The following ROBO1 variants were observed in gnomAD, a reference collection of about 807,000 sequenced individuals.
The protein encoded by ROBO1 is roundabout homolog 1.
Under a neutral mutation model 195.9 loss-of-function variants are expected in ROBO1, and 149 were observed. That is an observed-to-expected ratio of 0.76 (90% CI 0.67 to 0.87). ROBO1 has a LOEUF of 0.87. Among genes scored for constraint, ROBO1 ranks in the 40% least tolerant of loss-of-function variants. ROBO1 has a pLI of 0.00. For synonymous variants in ROBO1, 816 were observed against 733.2 expected, an observed-to-expected ratio of 1.11 and a Z score of -1.82; for missense variants, 1,933 against 2,068.3, an observed-to-expected ratio of 0.93 and a Z score of 1.27.
chr3:78,790,643 A>G (rs933062727), intron 4 of ROBO1, among the ~76,000 whole-genome samples: 1 of 152,166 alleles, frequency 6.6e-6, no homozygotes, highest in African/African-American at 2.4e-5. Flanking sequence ...AAAGACATTC[A>G]GCTCCAGATT....
At chr3:78,877,545 A>G (rs974896289) in intron 4 of ROBO1, among the ~76,000 whole-genome samples, 3 of 152,218 alleles carry the variant, frequency 2.0e-5, no homozygotes, top group Admixed American at 6.5e-5. Context: ...AGAAATACTT[A>G]AGAAAAATAA....
chr3:78,667,998 TTC>T lies in ROBO1; in HGVS notation c.1849_1850del (p.Glu617AsnfsTer5). 6.2e-7 allele frequency: 1 copy of T among 1,613,758 alleles called. No individual in the cohort carries two copies. Among genetic ancestry groups the T allele is most frequent in the Non-Finnish European group, 8.5e-7 (1 of 1,179,788 alleles). ...GTTTGAGTCCTTTAATGGCAGATGT[TTC>T]TGTTTTCACATTCTCTGCTACGGTC... ...WQTVAENVKT[E>X]TSAIKGLKPN... On this transcript the variant is annotated frameshift_variant, in exon 14 of 31. Coordinates refer to ENST00000464233, the MANE Select transcript of ROBO1 (RefSeq NM_002941.4). LOFTEE classifies it high-confidence loss of function.
intron 2 of ROBO1, among the ~76,000 whole-genome samples, chr3:79,375,689 A>T (rs1429772697): frequency 6.6e-6 from 1 of 152,212 alleles, no homozygotes; most frequent in East Asian, 1.9e-4. Context: ...GAGAAAACTA[A>T]TATCTGTAGA....
chr3:78,656,115 A>T (rs965021392), intron 18 of ROBO1, among the ~76,000 whole-genome samples: 5 of 151,618 alleles, frequency 3.3e-5, no homozygotes, highest in Admixed American at 3.3e-4. Flanking sequence ...GAAGCTTTTG[A>T]TGTTAGTTTT....
chr3:78,742,539 G>A (rs1260834349), intron 5 of ROBO1, among the ~76,000 whole-genome samples: 1 of 152,126 alleles, frequency 6.6e-6, no homozygotes, highest in Non-Finnish European at 1.5e-5. Context: ...AACCCAAACT[G>A]CTGATTTTTA....
chr3:78,985,717 GT>G (rs2077091480), intron 3 of ROBO1, among the ~76,000 whole-genome samples: 1 of 152,134 alleles, frequency 6.6e-6, no homozygotes, highest in African/African-American at 2.4e-5. Flanking sequence ...CAGGACAACT[GT>G]TTTAGACAGA....
rs538864049 is a variant in ROBO1, at chr3:78,707,498, T to C, written c.1045+6899A>G. 8.0e-4 allele frequency among the ~76,000 whole-genome samples: 122 copies of C among 152,356 alleles called. 1 individual carries two copies. The highest frequency in any genetic ancestry group is 2.6e-3 in the African/African-American group (107 of 41,582). Reference sequence around the variant, plus strand: ...TTTTGATGTTTTAACATTCCTATTGTATGTCAACAATAAATTTAAAGCAAT... The same window carrying C: ...TTTTGATGTTTTAACATTCCTATTGCATGTCAACAATAAATTTAAAGCAAT... On this transcript the variant is annotated intron_variant, in intron 8 of 30. Coordinates refer to ENST00000464233, the MANE Select transcript of ROBO1 (RefSeq NM_002941.4).
intron 2 of ROBO1, among the ~76,000 whole-genome samples, chr3:79,322,062 A>G (rs1254489556): frequency 6.6e-6 from 1 of 152,122 alleles, no homozygotes; most frequent in Non-Finnish European, 1.5e-5. Context: ...CACAATCTCA[A>G]ACCCAATGGT....
chr3:78,685,618 C>A (rs2081033901), intron 10 of ROBO1, 128 bp downstream of exon 10: 1 of 557,676 alleles, frequency 1.8e-6, no homozygotes, highest in Non-Finnish European at 3.0e-6. Flanking sequence ...TCTATCAACA[C>A]CCTTTTAGGT....
At position 78,665,625 on chromosome 3, in the gene ROBO1, G is replaced by A. The variant is rs557799294; in HGVS notation, c.1966+2258C>T. 2.0e-5 allele frequency among the ~76,000 whole-genome samples: 3 copies of A among 152,126 alleles called. No homozygotes were observed. In the South Asian group the frequency reaches 6.2e-4, roughly 32 times the overall value. ...AGTCCTGACACTAAAAGAAATACAA[G>A]TCCAATAACAGATTTTATGGGATAA... On this transcript the variant is annotated intron_variant, in intron 14 of 30. Coordinates refer to ENST00000464233, the MANE Select transcript of ROBO1 (RefSeq NM_002941.4).
chr3:79,124,184 T>C (rs2108569105), intron 3 of ROBO1, among the ~76,000 whole-genome samples: 1 of 152,200 alleles, frequency 6.6e-6, no homozygotes, highest in East Asian at 1.9e-4. Flanking sequence ...TGGGAAAGTA[T>C]CACACAAACT....
chr3:78,929,317 C>G (rs930120145), intron 4 of ROBO1, among the ~76,000 whole-genome samples: 34 of 151,998 alleles, frequency 2.2e-4, no homozygotes, highest in Non-Finnish European at 4.7e-4. Context: ...CCATTTTATT[C>G]ATTTATAAAG....
chr3:79,711,041 A>T (rs988152798), intron 1 of ROBO1, among the ~76,000 whole-genome samples: 1 of 152,138 alleles, frequency 6.6e-6, no homozygotes, highest in Admixed American at 6.6e-5. Context: ...TAACCTTTCT[A>T]TATTTTCTAT....
intron 1 of ROBO1, among the ~76,000 whole-genome samples, chr3:79,749,692 C>T (rs181128420): frequency 2.6e-5 from 4 of 152,328 alleles, no homozygotes; most frequent in African/African-American, 9.6e-5. Flanking sequence ...AAGCCCCAAG[C>T]CTTAGCAGCT....
chr3:79,149,927 C>T (rs781654581), intron 2 of ROBO1, among the ~76,000 whole-genome samples: 11 of 151,746 alleles, frequency 7.2e-5, no homozygotes, highest in Non-Finnish European at 1.6e-4. Flanking sequence ...TTACTTTTCT[C>T]TTCCCCTTGT....
At chr3:79,675,459 C>T (rs1560090677) in intron 1 of ROBO1, among the ~76,000 whole-genome samples, 1 of 151,994 alleles carries the variant, frequency 6.6e-6, no homozygotes, top group Non-Finnish European at 1.5e-5. Flanking sequence ...GCTGCATGTA[C>T]AGGAGCTGCT....
chr3:79,294,057 C>CAAA (rs71631641), intron 2 of ROBO1, among the ~76,000 whole-genome samples: 327 of 28,976 alleles, frequency 0.011, 27 homozygotes, highest in East Asian at 0.017. Context: ...GACTCCATCT[C>CAAA]AAAAAAAAAA....
chr3:79,162,455 T>C (rs2080986215), intron 2 of ROBO1, among the ~76,000 whole-genome samples: 1 of 152,126 alleles, frequency 6.6e-6, no homozygotes, highest in African/African-American at 2.4e-5. Flanking sequence ...GTTCATATGA[T>C]ATTCTCTACT....
chr3:78,652,028 G>C, intron 18 of ROBO1, 99 bp from the exon 19 acceptor site: 2 of 974,054 alleles, frequency 2.1e-6, no homozygotes, highest in Non-Finnish European at 3.1e-6. Flanking sequence ...TCTGGATAAT[G>C]ATTTCTGTTT....
Sources: allele counts gnomAD v4.1 joint callset (sites outside exome capture counted in the v4.1 genomes callset), GRCh38; gene constraint gnomAD v4.1.1; transcripts MANE v1.5; gene names NCBI Gene and HGNC (gene_info 2026-07-23, HGNC 2026-07-21).